KALRN: variants seen among roughly 807,000 people sequenced by gnomAD.
KALRN encodes kalirin RhoGEF kinase.
A neutral mutation model predicts 353.7 loss-of-function variants in KALRN; 70 were observed. That is an observed-to-expected ratio of 0.20 (90% confidence interval 0.16 to 0.24). The LOEUF (loss-of-function observed/expected upper bound fraction) is 0.24, where lower values mean the gene tolerates loss of function less well. Among genes scored for constraint, KALRN ranks in the 10% least tolerant of loss-of-function variants. The pLI is 1.00. For synonymous variants in KALRN, 1,391 were observed against 1,434.8 expected (o/e 0.97, Z 0.69); for missense variants, 2,791 against 3,756.7 (o/e 0.74, Z 6.72).
intron 25 of KALRN, among the ~76,000 whole-genome samples, chr3:124,467,230 C>T (rs1017462027): frequency 2.6e-5 from 4 of 152,102 alleles, no homozygotes; most frequent in African/African-American, 9.7e-5. Context: ...GGGGTAAAAT[C>T]GAGGCTGGGG....
At chr3:124,460,546 G>A (rs1292594275) in intron 23 of KALRN, among the ~76,000 whole-genome samples, 2 of 152,138 alleles carry the variant, frequency 1.3e-5, no homozygotes, top group South Asian at 2.1e-4. Flanking sequence ...TCATTTCATC[G>A]CAATCTACAG....
intron 1 of KALRN, among the ~76,000 whole-genome samples, chr3:124,065,919 C>T (rs1470267322): frequency 6.6e-6 from 1 of 152,154 alleles, no homozygotes; most frequent in Admixed American, 6.5e-5. Context: ...TGAGAGAGAA[C>T]ATAACTTTTC....
intron 28 of KALRN, among the ~76,000 whole-genome samples, chr3:124,484,680 A>G (rs1204446803): frequency 1.3e-5 from 2 of 152,254 alleles, no homozygotes; most frequent in Non-Finnish European, 2.9e-5. Context: ...TGCATAGGCC[A>G]TTCTTTACGT....
rs2063404562 is a variant in KALRN at position 124,725,195 on chromosome 3, A to G, written c.*5725A>G. The G allele has an allele frequency of 6.6e-6, 1 of 152,200 alleles. No individual in the cohort carries two copies. The highest frequency in any genetic ancestry group is 1.5e-5 in the Non-Finnish European group (1 of 68,020). The allele number at this position is 152,200 out of a possible 1,614,324, so 9.4% of individuals were successfully genotyped here. A position where few individuals can be genotyped will look rare whatever the true frequency, so the allele number is the denominator to read the frequency against. On this transcript the variant is annotated 3_prime_UTR_variant, in exon 60 of 60. Coordinates refer to ENST00000682506, the MANE Select transcript of KALRN (RefSeq NM_001388419.1). ...TTACAGAGACTGTTACTATGACCTC[A>G]AAGACTGTGGCTACGAATCTGAAGT...
At chr3:124,148,256 G>A (rs1236971357) in intron 1 of KALRN, among the ~76,000 whole-genome samples, 1 of 152,144 alleles carries the variant, frequency 6.6e-6, no homozygotes, top group East Asian at 1.9e-4. Flanking sequence ...ATCTCTTTCA[G>A]TTTCTTGTTT....
chr3:124,047,173 A>G (rs758606412), intron 1 of KALRN, among the ~76,000 whole-genome samples: 2 of 152,174 alleles, frequency 1.3e-5, no homozygotes, highest in Non-Finnish European at 2.9e-5. Context: ...AGAAAGATCC[A>G]AGTAGGAAAG....
chr3:124,398,287 T>C (rs909756225), intron 12 of KALRN, among the ~76,000 whole-genome samples: 3 of 152,238 alleles, frequency 2.0e-5, no homozygotes, highest in South Asian at 2.1e-4. Context: ...GCCTTTAGTA[T>C]GTTTGTCTGT....
chr3:124,170,732 C>T (rs1560137211), intron 1 of KALRN, among the ~76,000 whole-genome samples: 2 of 151,186 alleles, frequency 1.3e-5, no homozygotes, highest in Non-Finnish European at 2.9e-5. Flanking sequence ...TGTCTGGCTC[C>T]AGACTTGGGG....
At chr3:124,111,939 A>G (rs993367419) in intron 1 of KALRN, among the ~76,000 whole-genome samples, 1 of 152,182 alleles carries the variant, frequency 6.6e-6, no homozygotes, top group Non-Finnish European at 1.5e-5. Flanking sequence ...ATTCCACTGA[A>G]TGAGCTGGGT....
chr3:124,349,009 G>A (rs979332824), intron 10 of KALRN, among the ~76,000 whole-genome samples: 5 of 152,146 alleles, frequency 3.3e-5, no homozygotes, highest in Admixed American at 6.5e-5. Flanking sequence ...GTGAGCCACC[G>A]TGCCCAGCTG....
intron 1 of KALRN, among the ~76,000 whole-genome samples, chr3:124,161,078 G>A (rs2069860171): frequency 6.6e-6 from 1 of 152,088 alleles, no homozygotes; most frequent in South Asian, 2.1e-4. Context: ...AAATGTGAAT[G>A]GACTGAATGC....
At chr3:124,672,091 A>G (rs2086536232) in intron 48 of KALRN, among the ~76,000 whole-genome samples, 193 bp downstream of exon 48, 2 of 152,138 alleles carry the variant, frequency 1.3e-5, no homozygotes, top group African/African-American at 4.8e-5. Context: ...CTGGGACTAC[A>G]GGCGCCCTAC....
chr3:124,311,976 A>T (rs2078311764), intron 6 of KALRN, among the ~76,000 whole-genome samples: 1 of 152,238 alleles, frequency 6.6e-6, no homozygotes, highest in South Asian at 2.1e-4. Context: ...AAAGTAGATT[A>T]GTTGTTGCTT....
At chr3:124,471,256 TTTATTATTATTATTA>T (rs139584790) in intron 25 of KALRN, among the ~76,000 whole-genome samples, 46 of 138,810 alleles carry the variant, frequency 3.3e-4, no homozygotes, top group African/African-American at 5.1e-4. Context: ...CCCACAAAGT[TTTATTATTATTATTA>T]TTATTATTAT....
At chr3:124,134,757 C>T (rs552415156) in intron 1 of KALRN, among the ~76,000 whole-genome samples, 6 of 152,066 alleles carry the variant, frequency 3.9e-5, no homozygotes, top group South Asian at 4.2e-4. Context: ...CACAAATGGC[C>T]GACAAACATA....
chr3:124,073,341 G>A (rs1359766681), intron 1 of KALRN, among the ~76,000 whole-genome samples: 1 of 152,166 alleles, frequency 6.6e-6, no homozygotes, highest in Non-Finnish European at 1.5e-5. Context: ...TAAAATTGCA[G>A]GCATACTGCC....
chr3:124,314,243 C>T (rs959409105), intron 6 of KALRN, among the ~76,000 whole-genome samples: 6 of 151,106 alleles, frequency 4.0e-5, no homozygotes, highest in Non-Finnish European at 2.9e-5. Context: ...AGCAAACTAT[C>T]GCAAGGACAG....
intron 9 of KALRN, among the ~76,000 whole-genome samples, chr3:124,343,249 C>T (rs1463527630): frequency 6.6e-6 from 1 of 152,188 alleles, no homozygotes; most frequent in African/African-American, 2.4e-5. Flanking sequence ...CCTGGAACTC[C>T]TAGGCTCAGG....
chr3:124,407,995 G>A (rs888907796), intron 13 of KALRN, among the ~76,000 whole-genome samples: 2 of 151,986 alleles, frequency 1.3e-5, no homozygotes, highest in Non-Finnish European at 2.9e-5. Flanking sequence ...GGATGGGCTC[G>A]ATCTCCTGAC....
Sources: gnomAD v4.1 joint callset for allele counts (sites outside exome capture counted in the v4.1 genomes callset) on GRCh38, gnomAD v4.1.1 for gene constraint, MANE v1.5 for transcripts, NCBI Gene and HGNC (gene_info 2026-07-23, HGNC 2026-07-21) for gene names.